STAG1: variants seen among roughly 807,000 people sequenced by gnomAD.
STAG1 encodes the protein cohesin subunit SA-1.
STAG1 carries 26 observed loss-of-function variants against 170.9 expected under a neutral mutation model. That is an observed-to-expected ratio of 0.15 (90% CI 0.11 to 0.21). The LOEUF (loss-of-function observed/expected upper bound fraction) is 0.21, where lower values mean the gene tolerates loss of function less well. Ranked by LOEUF, STAG1 falls within the 10% of genes least tolerant of loss-of-function variation. STAG1 has a pLI of 1.00. For missense variants in STAG1, 964 were observed against 1,509.5 expected, an observed-to-expected ratio of 0.64 and a Z score of 5.99; for synonymous variants, 514 against 497.7, an observed-to-expected ratio of 1.03 and a Z score of -0.44.
intron 1 of STAG1, among the ~76,000 whole-genome samples, chr3:136,699,436 G>A (rs1444629559): frequency 6.6e-6 from 1 of 151,882 alleles, no homozygotes; most frequent in Non-Finnish European, 1.5e-5. Context: ...TGTCACCCAG[G>A]CTGGAATGCA....
At chr3:136,593,752 C>T (rs906446279) in intron 4 of STAG1, among the ~76,000 whole-genome samples, 2 of 152,122 alleles carry the variant, frequency 1.3e-5, no homozygotes, top group African/African-American at 2.4e-5. Context: ...AAATTCTGTA[C>T]CCAATATTTT....
At position 136,619,285 on chromosome 3, in the gene STAG1, T is replaced by C. The variant is rs117438443; in HGVS notation, c.132+3861A>G. Among the ~76,000 whole-genome samples the C allele has an allele frequency of 6.0e-5, 9 of 150,012 alleles. No homozygotes were observed. In the East Asian group the frequency reaches 1.8e-3, roughly 29 times the overall value. ...CATTAAACATTTACTGAACACTTACTGCAGGTCAGACACTAGTAAATAGCA... is the reference window on the plus strand; with the variant it reads ...CATTAAACATTTACTGAACACTTACCGCAGGTCAGACACTAGTAAATAGCA... On this transcript the variant is annotated intron_variant, in intron 3 of 33. Transcript: ENST00000383202.
At chr3:136,362,012 A>G (rs1194946906) in intron 26 of STAG1, among the ~76,000 whole-genome samples, 1 of 151,722 alleles carries the variant, frequency 6.6e-6, no homozygotes, top group Non-Finnish European at 1.5e-5. Context: ...CTGGAGTGCA[A>G]TGGCATGATC....
Position 136,337,554 on chromosome 3 carries a change from C to CTTA in STAG1, c.*697_*699dup, listed in dbSNP as rs1553786669. The CTTA allele has an allele frequency of 1.3e-5, 2 of 152,618 alleles. No individual in the cohort carries two copies. The highest frequency in any genetic ancestry group is 4.8e-5 in the African/African-American group (2 of 41,462). 9.5% of individuals were successfully genotyped at this position (152,618 alleles called of 1,614,324 possible). A position where few individuals can be genotyped will look rare whatever the true frequency, so the allele number is the denominator to read the frequency against. Reference sequence around the variant, plus strand: ...TGGAAAAATGGCTGCATGGACATTTCTTATTTTATGCCCACTTATAAATAA... The same window carrying CTTA: ...TGGAAAAATGGCTGCATGGACATTTCTTATTATTTTATGCCCACTTATAAATAA... On this transcript the variant is annotated 3_prime_UTR_variant, in exon 34 of 34. Transcript: ENST00000383202.
intron 6 of STAG1, among the ~76,000 whole-genome samples, chr3:136,539,511 C>T (rs1250842951): frequency 6.6e-6 from 1 of 152,136 alleles, no homozygotes; most frequent in Non-Finnish European, 1.5e-5. Flanking sequence ...AAAAATTTCC[C>T]TACATAAAAG....
At chr3:136,447,255 C>G (rs1050731119) in intron 14 of STAG1, among the ~76,000 whole-genome samples, 2 of 151,652 alleles carry the variant, frequency 1.3e-5, no homozygotes, top group African/African-American at 4.8e-5. Context: ...GGGGCCAAGG[C>G]GGGCAGCAAG....
At position 136,568,867 on chromosome 3, in the gene STAG1, G is replaced by GAA; in HGVS notation, c.298-8_298-7dup. On this transcript the variant is annotated splice_polypyrimidine_tract_variant and splice_region_variant and intron_variant, in intron 4 of 33. Coordinates refer to ENST00000383202, the MANE Select transcript of STAG1 (RefSeq NM_005862.3). ...ATCCAGTCATCCACCACGGACTGTG[G>GAA]AAAAAAAATATAAAAATGAAAACTT... 6.3e-7 allele frequency: 1 copy of GAA among 1,575,926 alleles called. No homozygotes were observed. The highest frequency in any genetic ancestry group is 8.6e-7 in the Non-Finnish European group (1 of 1,162,788).
chr3:136,692,860 C>T (rs1379359443), intron 1 of STAG1, among the ~76,000 whole-genome samples: 8 of 152,092 alleles, frequency 5.3e-5, no homozygotes, highest in African/African-American at 1.9e-4. Context: ...TAGGCAAAAG[C>T]TTGGCTGGAT....
At chr3:136,688,226 G>A (rs1465274690) in intron 1 of STAG1, among the ~76,000 whole-genome samples, 1 of 152,094 alleles carries the variant, frequency 6.6e-6, no homozygotes, top group Non-Finnish European at 1.5e-5. Flanking sequence ...TGTCGACATA[G>A]GGACTGGCGA....
rs555545724 is a variant in STAG1 at position 136,442,762 on chromosome 3, A to G, written c.1546+525T>C. Among the ~76,000 whole-genome samples the G allele has an allele frequency of 1.6e-3, 239 of 152,242 alleles. 1 individual carries two copies. The highest frequency in any genetic ancestry group is 3.4e-3 in the Middle Eastern group (1 of 294). On this transcript the variant is annotated intron_variant, in intron 15 of 33. Coordinates refer to ENST00000383202, the MANE Select transcript of STAG1 (RefSeq NM_005862.3). ...TCAGCATCAAGAAAACCTTTTGGCC[A>G]GGTGCAGTGGCTCATGCCTGTAATC...
Position 136,421,162 on chromosome 3 carries a change from C to T in STAG1, c.2039G>A (p.Gly680Glu), listed in dbSNP as rs750546444. 28 of 1,601,396 alleles carry T rather than the reference C, an allele frequency of 1.7e-5. 1 individual carries two copies. In the South Asian group the frequency reaches 2.8e-4, roughly 16 times the overall value. ...AATGTCATCATCATCAGCTTCTTCT[C>T]CCTATAAAAAAAGGAAACATCACAT... ...NHSVEDLLQE[G>E]EEADDDDIYN... Residue 680 changes from glycine (G) to glutamate (E), a missense_variant and splice_region_variant, in exon 20 of 34, where the codon GGA (glycine) becomes GAA (glutamate). By Grantham distance (98) the Gly-to-Glu change is moderately conservative. This residue lies in a region of STAG1 where 232 missense variants were observed against 313.0 expected (regional missense o/e 0.74). Coordinates refer to ENST00000383202, the MANE Select transcript of STAG1 (RefSeq NM_005862.3).
At chr3:136,693,715 C>T (rs1462736357) in intron 1 of STAG1, among the ~76,000 whole-genome samples, 1 of 151,934 alleles carries the variant, frequency 6.6e-6, no homozygotes. Context: ...ACCACAAGTG[C>T]ACACCCCCAT....
intron 1 of STAG1, among the ~76,000 whole-genome samples, chr3:136,632,313 G>A (rs1405770706): frequency 2.6e-5 from 4 of 152,198 alleles, no homozygotes; most frequent in Admixed American, 2.0e-4. Flanking sequence ...CTTACAAAGA[G>A]AGGGGTGCTT....
intron 1 of STAG1, among the ~76,000 whole-genome samples, chr3:136,633,894 C>T (rs538307307): frequency 1.4e-5 from 2 of 138,530 alleles, no homozygotes; most frequent in South Asian, 4.8e-4. Flanking sequence ...GAGGCTGAGG[C>T]GGGCGAATCA....
In STAG1 at chr3:136,421,095, GT is replaced by G; in HGVS notation, c.2105del (p.His702ProfsTer19). The G allele has an allele frequency of 6.3e-7, 1 of 1,592,736 alleles. No individual in the cohort carries two copies. The highest frequency in any genetic ancestry group is 8.6e-7 in the Non-Finnish European group (1 of 1,166,190). On this transcript the variant is annotated frameshift_variant, in exon 20 of 34. Coordinates refer to ENST00000383202, the MANE Select transcript of STAG1 (RefSeq NM_005862.3). LOFTEE classifies it high-confidence loss of function. ...LSTLKRLTSF[H>X]NAHDLTKWDL... ...TTACTTTAAATAAAATAACGTACTT[GT>G]GAAAAGAAGTTAACCGCTTTAATGT...
At chr3:136,550,119 G>C (rs1936323213) in intron 5 of STAG1, among the ~76,000 whole-genome samples, 1 of 151,730 alleles carries the variant, frequency 6.6e-6, no homozygotes, top group African/African-American at 2.4e-5. Flanking sequence ...TCTTTTCTTG[G>C]CTTTGGTATA....
chr3:136,340,718 AC>A (rs1935932771), intron 31 of STAG1, 113 bp from the exon 32 acceptor site: 2 of 668,060 alleles, frequency 3.0e-6, no homozygotes, highest in East Asian at 5.4e-5. Context: ...TCTAATCATG[AC>A]CTACAGACTA....
chr3:136,351,153 G>A (rs768677944), intron 28 of STAG1, among the ~76,000 whole-genome samples: 24 of 151,324 alleles, frequency 1.6e-4, no homozygotes, highest in East Asian at 3.9e-4. Flanking sequence ...TCATTTGAAC[G>A]TAGCCTACCA....
intron 21 of STAG1, among the ~76,000 whole-genome samples, chr3:136,404,926 T>G (rs746791318): frequency 6.6e-6 from 1 of 151,914 alleles, no homozygotes; most frequent in African/African-American, 2.4e-5. Context: ...ATAGGACATG[T>G]TTAAAAACCT....
Sources: gnomAD v4.1 joint callset for allele counts (sites outside exome capture counted in the v4.1 genomes callset) on GRCh38, gnomAD v4.1.1 for gene constraint, gnomAD v4.1.1 regional missense constraint, MANE v1.5 for transcripts, NCBI Gene and HGNC (gene_info 2026-07-23, HGNC 2026-07-21) for gene names.